Variants in PPM1N observed in about 807,000 individuals in gnomAD.
PPM1N encodes the protein probable protein phosphatase 1N.
Under a neutral mutation model 32.6 loss-of-function variants are expected in PPM1N, and 35 were observed. The observed-to-expected ratio is 1.07, with a 90% confidence interval of 0.82 to 1.43. The LOEUF is 1.43. Ranked by LOEUF, PPM1N falls within the 40% of genes most tolerant of loss-of-function variation. The probability of loss-of-function intolerance (pLI) is 0.00; values close to 1 mark genes in which losing one functional copy is unlikely to be tolerated. For synonymous variants in PPM1N, 275 were observed against 270.5 expected, an observed-to-expected ratio of 1.02 and a Z score of -0.16; for missense variants, 648 against 606.6, an observed-to-expected ratio of 1.07 and a Z score of -0.72.
At position 45,499,364 on chromosome 19, in the gene PPM1N, G is replaced by C. The variant is rs759087768; in HGVS notation, c.892G>C (p.Ala298Pro). The C allele has an allele frequency of 4.3e-6, 7 of 1,609,650 alleles. No homozygotes were observed. The highest frequency in any genetic ancestry group is 5.9e-6 in the Non-Finnish European group (7 of 1,178,536). ...LVASRLRLGLAPELLCAQLLD... is the reference protein window; with the variant it reads ...LVASRLRLGLPPELLCAQLLD... ...GGCTTCACGCCTCCGCTTGGGCCTG[G>C]CCCCAGAGCTTCTCTGCGCGCAGCT... is the stretch of plus-strand genomic sequence containing the variant. The change falls in exon 1 of 5, where the codon GCC becomes CCC. Residue 298 changes from alanine (A) to proline (P), a missense_variant. Transcript: ENST00000451287.
At chr19:45,500,627 G>T in intron 3 of PPM1N, 23 bp from the exon 4 acceptor site, 1 of 1,596,894 alleles carries the variant, frequency 6.3e-7, no homozygotes. Flanking sequence ...GTCCCCTCCT[G>T]AGGGCCTTCC....
At chr19:45,501,907 A>T in intron 4 of PPM1N, 110 bp from the exon 5 acceptor site, 1 of 701,868 alleles carries the variant, frequency 1.4e-6, no homozygotes, top group Admixed American at 4.0e-5. Flanking sequence ...CTCCATTCAA[A>T]CCTTAATGGA....
Position 45,502,308 on chromosome 19 carries a change from GAA to G in PPM1N, c.*248_*249del, listed in dbSNP as rs61574042. On this transcript the variant is annotated 3_prime_UTR_variant, in exon 5 of 5. Transcript: ENST00000451287. ...GACCAAAAAGAAAAAAGCCCAAATC[GAA>G]AAAAAAAAAAAAAAAAAAAAAAAAC... 287 of 26,816 alleles carry G rather than the reference GAA, an allele frequency of 0.011. No homozygotes were observed. The highest frequency in any genetic ancestry group is 0.045 in the African/African-American group (258 of 5,710). 1.7% of individuals were successfully genotyped at this position (26,816 alleles called of 1,614,324 possible).
rs1194717812 is a variant in PPM1N, at chr19:45,502,376, A to T, written c.*291A>T. On this transcript the variant is annotated 3_prime_UTR_variant, in exon 5 of 5. Transcript: ENST00000451287. ...AATGTTTTTGAAATATTCAGAGCCGAACAGATTCTGAGAGATAACCCAGTC... is the reference window on the plus strand; with the variant it reads ...AATGTTTTTGAAATATTCAGAGCCGTACAGATTCTGAGAGATAACCCAGTC... The T allele has an allele frequency of 1.8e-5, 10 of 541,650 alleles. No individual in the cohort carries two copies. Among genetic ancestry groups the T allele is most frequent in the Non-Finnish European group, 2.5e-5 (8 of 317,004 alleles). 33.6% of individuals were successfully genotyped at this position (541,650 alleles called of 1,614,324 possible). A position where few individuals can be genotyped will look rare whatever the true frequency, so the allele number is the denominator to read the frequency against.
At position 45,498,712 on chromosome 19, in the gene PPM1N, G is replaced by GGAT; in HGVS notation, c.242_244dup (p.Asp81dup). The stretch of plus-strand genomic sequence containing the variant: ...CGCAAGGCTGGCGCGCGCGCATGGA[G>GGAT]GATGCTCACTGCACTTGGCTTTCGT... On this transcript the variant is annotated inframe_insertion, in exon 1 of 5. Transcript: ENST00000451287. 6.6e-7 allele frequency: 1 copy of GGAT among 1,526,090 alleles called. No individual in the cohort carries two copies. The highest frequency in any genetic ancestry group is 2.7e-5 in the East Asian group (1 of 37,364). The allele number at this position is 1,526,090 out of a possible 1,614,324, so 94.5% of individuals were successfully genotyped here.
rs772859617 is a variant in PPM1N at position 45,498,767 on chromosome 19, T to G, written c.295T>G (p.Phe99Val). 50 of 1,559,140 alleles carry G rather than the reference T, an allele frequency of 3.2e-5. 1 individual carries two copies. In the South Asian group the frequency reaches 6.0e-4, roughly 19 times the overall value. The stretch of plus-strand genomic sequence containing the variant: ...TGGTCTGCCCCCGGGCTGGGCCTTG[T>G]TTGCCGTCCTCGACGGCCACGGTGG... ...LPGLPPGWALFAVLDGHGGAR... is the reference protein window; with the variant it reads ...LPGLPPGWALVAVLDGHGGAR... The change falls in exon 1 of 5, where the codon TTT (phenylalanine) becomes GTT (valine). Residue 99 changes from phenylalanine to valine, a missense_variant. Physicochemically the swap from Phe to Val is conservative, Grantham distance 50. Transcript: ENST00000451287.
chr19:45,501,582 G>A (rs1277348490), intron 4 of PPM1N, among the ~76,000 whole-genome samples: 1 of 152,198 alleles, frequency 6.6e-6, no homozygotes, highest in Non-Finnish European at 1.5e-5. Context: ...ACTGGGCCAT[G>A]TAATTGAAGA....
At position 45,499,969 on chromosome 19, in the gene PPM1N, C is replaced by T. The variant is rs774692684; in HGVS notation, c.960C>T (p.Thr320=). ...CLCKGSLDNM[T]CILVCFPGAP... is the part of the protein sequence containing the mutation. ...TTCAGGGCAGCCTGGACAACATGAC[C>T]TGCATCCTGGTCTGCTTCCCTGGGG... Residue 320 remains threonine (T), a synonymous_variant, in exon 2 of 5, where the codon ACC becomes ACT. Coordinates refer to ENST00000451287, the MANE Select transcript of PPM1N (RefSeq NM_001080401.2). 1 of 1,594,506 alleles carries T rather than the reference C, an allele frequency of 6.3e-7. No homozygotes were observed. The highest frequency in any genetic ancestry group is 8.5e-7 in the Non-Finnish European group (1 of 1,169,886).
At chr19:45,499,560 T>C (rs956335952) in intron 1 of PPM1N, 149 bp downstream of exon 1, 3 of 1,549,942 alleles carry the variant, frequency 1.9e-6, no homozygotes, top group African/African-American at 1.4e-5. Flanking sequence ...TGGCCTGAAG[T>C]GGGCAGGGCC....
intron 1 of PPM1N, 118 bp downstream of exon 1, chr19:45,499,529 A>C (rs769898428): frequency 5.0e-5 from 77 of 1,554,210 alleles, no homozygotes; most frequent in Non-Finnish European, 6.7e-5. Context: ...AAAGGAGGGG[A>C]TAGGACTCAA....
chr19:45,502,046 C>G lies in PPM1N; in HGVS notation c.1254C>G (p.Asn418Lys). The change falls in exon 5 of 5, where the codon AAC (asparagine) becomes AAG (lysine). Residue 418 changes from asparagine to lysine, a missense_variant. Coordinates refer to ENST00000451287, the MANE Select transcript of PPM1N (RefSeq NM_001080401.2). ...GGCAGGATGGGGCTGGGAAGTCCAA[C>G]CCCACGCATTTGGGCTCAGCCTTGG... is the stretch of plus-strand genomic sequence containing the variant. ...EKGQDGAGKS[N>K]PTHLGSALDM... 6.5e-7 allele frequency: 1 copy of G among 1,544,834 alleles called. No homozygotes were observed. The highest frequency in any genetic ancestry group is 8.7e-7 in the Non-Finnish European group (1 of 1,154,280).
chr19:45,501,933 T>C (rs1968419835), intron 4 of PPM1N, 84 bp from the exon 5 acceptor site: 1 of 899,698 alleles, frequency 1.1e-6, no homozygotes, highest in Non-Finnish European at 1.6e-6. Flanking sequence ...AGATGGGATA[T>C]GGTGGTCCCT....
In PPM1N at chr19:45,499,934, C is replaced by T. The variant is rs748627241; in HGVS notation, c.940-15C>T. On this transcript the variant is annotated splice_polypyrimidine_tract_variant and intron_variant, in intron 1 of 4. Coordinates refer to ENST00000451287, the MANE Select transcript of PPM1N (RefSeq NM_001080401.2). The stretch of plus-strand genomic sequence containing the variant: ...ACTCTCCCCCACCGGGCTCCTTTTT[C>T]TCCACCGGCTTCAGGGCAGCCTGGA... 9.0e-6 allele frequency: 14 copies of T among 1,560,488 alleles called. No individual in the cohort carries two copies. The highest frequency in any genetic ancestry group is 1.2e-5 in the Non-Finnish European group (14 of 1,151,784).
At chr19:45,500,853 CT>C (rs1292333726) in intron 4 of PPM1N, 143 bp downstream of exon 4, 3 of 659,292 alleles carry the variant, frequency 4.6e-6, no homozygotes, top group Admixed American at 3.0e-5. Flanking sequence ...CTTTCTTTCT[CT>C]TTTTTTCTTT....
At position 45,502,173 on chromosome 19, in the gene PPM1N, C is replaced by T; in HGVS notation, c.*88C>T. 1 of 1,047,148 alleles carries T rather than the reference C, an allele frequency of 9.5e-7. No individual in the cohort carries two copies. The highest frequency in any genetic ancestry group is 1.4e-6 in the Non-Finnish European group (1 of 692,214). 64.9% of individuals were successfully genotyped at this position (1,047,148 alleles called of 1,614,324 possible). On this transcript the variant is annotated 3_prime_UTR_variant, in exon 5 of 5. Coordinates refer to ENST00000451287, the MANE Select transcript of PPM1N (RefSeq NM_001080401.2). ...CCGACCCTTTCCCCAACTACATGTA[C>T]CAGCGGAAGGAAGGAAGGCCAATGT...
Position 45,499,116 on chromosome 19 carries a change from G to A in PPM1N, c.644G>A (p.Gly215Asp). The A allele has an allele frequency of 1.3e-6, 2 of 1,519,900 alleles. No individual in the cohort carries two copies. The highest frequency in any genetic ancestry group is 1.7e-6 in the Non-Finnish European group (2 of 1,143,508). 94.2% of individuals were successfully genotyped at this position (1,519,900 alleles called of 1,614,324 possible). A position where few individuals can be genotyped will look rare whatever the true frequency, so the allele number is the denominator to read the frequency against. The change falls in exon 1 of 5, where the codon GGC (glycine) becomes GAC (aspartate). Residue 215 changes from glycine to aspartate, a missense_variant. By Grantham distance (94) the Gly-to-Asp change is moderately conservative (BLOSUM62 -1). Coordinates refer to ENST00000451287, the MANE Select transcript of PPM1N (RefSeq NM_001080401.2). ...GAACGCGAGCGCATCCACGCCGCTG[G>A]CGGCACCATCCGCCGCCGCCGCGTC... is the stretch of plus-strand genomic sequence containing the variant. ...PRERERIHAA[G>D]GTIRRRRVEG...
At position 45,498,682 on chromosome 19, in the gene PPM1N, C is replaced by T; in HGVS notation, c.210C>T (p.Ser70=). The T allele has an allele frequency of 1.4e-6, 2 of 1,457,114 alleles. No homozygotes were observed. Among genetic ancestry groups the T allele is most frequent in the Non-Finnish European group, 1.8e-6 (2 of 1,107,284 alleles). 90.3% of individuals were successfully genotyped at this position (1,457,114 alleles called of 1,614,324 possible). The change falls in exon 1 of 5, where the codon AGC becomes AGT. Residue 70 remains serine (S), a synonymous_variant. Coordinates refer to ENST00000451287, the MANE Select transcript of PPM1N (RefSeq NM_001080401.2). ...CTGGGGGCCTGCGCTTCGGGGCGAG[C>T]GCAGCGCAAGGCTGGCGCGCGCGCA... ...EASGGLRFGA[S]AAQGWRARME...
chr19:45,498,464 G>C lies in PPM1N; in HGVS notation c.-9G>C. On this transcript the variant is annotated 5_prime_UTR_variant, in exon 1 of 5. Coordinates refer to ENST00000451287, the MANE Select transcript of PPM1N (RefSeq NM_001080401.2). ...CAGGGTGGAGCCTTCCTGATCCCAG[G>C]GCTGAAGGATGGCGGTCCTGGCCCG... 7.4e-7 allele frequency: 1 copy of C among 1,347,992 alleles called. No homozygotes were observed. Among genetic ancestry groups the C allele is most frequent in the Non-Finnish European group, 9.5e-7 (1 of 1,048,598 alleles). 83.5% of individuals were successfully genotyped at this position (1,347,992 alleles called of 1,614,324 possible). A position where few individuals can be genotyped will look rare whatever the true frequency, so the allele number is the denominator to read the frequency against.
Position 45,502,322 on chromosome 19 carries a change from AAAAAAAAAAAAAC to A in PPM1N, c.*245_*257del, listed in dbSNP as rs1355169738. ...AAGCCCAAATCGAAAAAAAAAAAAA[AAAAAAAAAAAAAC>A]AAAAAAACCCAACCAAATGTTTTTG... On this transcript the variant is annotated 3_prime_UTR_variant, in exon 5 of 5. Coordinates refer to ENST00000451287, the MANE Select transcript of PPM1N (RefSeq NM_001080401.2). 2.4e-5 allele frequency: 13 copies of A among 536,142 alleles called. No homozygotes were observed. Among genetic ancestry groups the A allele is most frequent in the South Asian group, 7.0e-5 (3 of 42,598 alleles). 33.2% of individuals were successfully genotyped at this position (536,142 alleles called of 1,614,324 possible). A position where few individuals can be genotyped will look rare whatever the true frequency, so the allele number is the denominator to read the frequency against.
Sources: allele counts gnomAD v4.1 joint callset (sites outside exome capture counted in the v4.1 genomes callset), GRCh38; gene constraint gnomAD v4.1.1; transcripts MANE v1.5; gene names NCBI Gene and HGNC (gene_info 2026-07-23, HGNC 2026-07-21).